Variants in C4orf51 observed in about 807,000 individuals in gnomAD.
C4orf51 encodes uncharacterized protein C4orf51.
Under a neutral mutation model 25.2 loss-of-function variants are expected in C4orf51, and 25 were observed. The ratio of observed to expected loss-of-function variants is 0.99; its 90% CI spans 0.72 to 1.39. The LOEUF (loss-of-function observed/expected upper bound fraction) is 1.39. C4orf51 is among the 40% of genes most tolerant of loss of function. The pLI, the probability that C4orf51 is intolerant of heterozygous loss-of-function variation, is 0.00. For synonymous variants in C4orf51, 100 were observed against 84.5 expected (o/e 1.18, Z -1.01); for missense variants, 252 against 239.6 (o/e 1.05, Z -0.34).
intron 1 of C4orf51, among the ~76,000 whole-genome samples, chr4:145,748,596 C>G (rs1314325867): frequency 6.6e-6 from 1 of 152,084 alleles, no homozygotes; most frequent in Admixed American, 6.6e-5. Context: ...TCATTTGTTT[C>G]AAGACATTTT....
the C4orf51 span, among the ~76,000 whole-genome samples, chr4:145,779,100 AT>A: frequency 6.6e-6 from 1 of 152,048 alleles, no homozygotes; most frequent in African/African-American, 2.4e-5. Context: ...AACTCAATAC[AT>A]TTTTTTTAAC....
the C4orf51 span, among the ~76,000 whole-genome samples, chr4:145,784,762 C>T: frequency 6.6e-6 from 1 of 152,262 alleles, no homozygotes; most frequent in Admixed American, 6.5e-5. Context: ...TTCCCACATC[C>T]CTTAGCATTT....
intron 2 of C4orf51, among the ~76,000 whole-genome samples, chr4:145,715,582 T>C (rs552047314): frequency 4.6e-5 from 7 of 152,310 alleles, no homozygotes; most frequent in African/African-American, 1.7e-4. Context: ...ACCCCACTAA[T>C]GTGCTGGAAT....
At chr4:145,708,206 C>A (rs960024547) in intron 2 of C4orf51, among the ~76,000 whole-genome samples, 6 of 152,338 alleles carry the variant, frequency 3.9e-5, no homozygotes, top group Admixed American at 3.3e-4. Context: ...CCCTGTCCTC[C>A]TTATTCTGCT....
chr4:145,769,295 G>T (rs185740184), intron 1 of C4orf51, among the ~76,000 whole-genome samples: 1 of 151,984 alleles, frequency 6.6e-6, no homozygotes, highest in Non-Finnish European at 1.5e-5. Context: ...TACCATTATT[G>T]CCATTTGCTT....
At chr4:145,777,419 A>G in the C4orf51 span, among the ~76,000 whole-genome samples, 2 of 152,182 alleles carry the variant, frequency 1.3e-5, no homozygotes, top group Non-Finnish European at 2.9e-5. Context: ...AAATTTCTGG[A>G]CCTGATGCCT....
At chr4:145,687,557 A>G (rs551747291) in intron 1 of C4orf51, among the ~76,000 whole-genome samples, 1 of 152,336 alleles carries the variant, frequency 6.6e-6, no homozygotes, top group East Asian at 1.9e-4. Flanking sequence ...GACTCCTTCA[A>G]TTGACCTCAT....
At chr4:145,776,087 G>C in the C4orf51 span, 6 of 1,041,576 alleles carry the variant, frequency 5.8e-6, no homozygotes, top group Admixed American at 4.5e-5. Flanking sequence ...GGAGACAATG[G>C]TAATGCCTAG....
At chr4:145,735,550 G>C (rs978269154), downstream of C4orf51, among the ~76,000 whole-genome samples, 2 of 152,178 alleles carry the variant, frequency 1.3e-5, no homozygotes, top group African/African-American at 4.8e-5. Flanking sequence ...ACAGGCCTGA[G>C]TGGAATGGGA....
rs1220288941 is a variant in C4orf51, at chr4:145,729,192, T to C, written c.390T>C (p.Gly130=). 1 of 1,608,988 alleles carries C rather than the reference T, an allele frequency of 6.2e-7. No individual in the cohort carries two copies. The highest frequency in any genetic ancestry group is 1.7e-5 in the Admixed American group (1 of 59,836). Residue 130 remains glycine (G), a synonymous_variant, in exon 4 of 6, where the codon GGT becomes GGC. Transcript: ENST00000438731. ...AGGCACATCAAATTTGGGATTTTGG[T>C]GATTGTTTTCCGACACCTCCAAATT... ...HGVAHQIWDF[G]DCFPTPPNYG... is the part of the protein sequence containing the mutation.
chr4:145,781,195 CAAAAAAAA>C, the C4orf51 span, among the ~76,000 whole-genome samples: 1 of 56,546 alleles, frequency 1.8e-5, no homozygotes, highest in Non-Finnish European at 2.8e-5. Flanking sequence ...GACACCATCT[CAAAAAAAA>C]AAAAAAAAAA....
intron 3 of C4orf51, among the ~76,000 whole-genome samples, chr4:145,727,917 AT>A (rs1560851134): frequency 1.0e-4 from 11 of 106,004 alleles, no homozygotes; most frequent in African/African-American, 4.5e-4. Flanking sequence ...ATATATATAT[AT>A]ATATAAAATA....
chr4:145,691,166 A>G (rs951488567), intron 1 of C4orf51, among the ~76,000 whole-genome samples: 2 of 152,172 alleles, frequency 1.3e-5, no homozygotes, highest in Admixed American at 6.5e-5. Context: ...AGAAAACACA[A>G]CAAGTGGCCA....
At chr4:145,683,996 AC>A (rs959965950) in intron 1 of C4orf51, among the ~76,000 whole-genome samples, 36 of 152,350 alleles carry the variant, frequency 2.4e-4, no homozygotes, top group Admixed American at 4.6e-4. Flanking sequence ...TTTGCAAAGG[AC>A]TTTTATCCAA....
In C4orf51 at chr4:145,763,637, G is replaced by C. The variant is rs968128988; in HGVS notation, n.167-7351G>C. 6.6e-6 allele frequency among the ~76,000 whole-genome samples: 1 copy of C among 152,180 alleles called. No homozygotes were observed. The highest frequency in any genetic ancestry group is 1.5e-5 in the Non-Finnish European group (1 of 68,024). ...ACTGGCAGGGGCTGCAATGTTCATG[G>C]GTGTGACTGGGCTACTGGGAAGGGC... On this transcript the variant is annotated intron_variant and non_coding_transcript_variant, in intron 1 of 1. Transcript: ENST00000510096. This position sits in a 1 kb window ranked among gnomAD's most constrained non-coding sequence, Gnocchi z 4.6.
In C4orf51 at chr4:145,729,947, G is replaced by C; in HGVS notation, c.483G>C (p.Gly161=). ...QEALINYSRR[G]KGVLKHLHGR... ...CCCTGATAAACTACAGTCGACGAGG[G>C]AAAGGTGTCCTAAAGCATGTAAGAA... is the stretch of plus-strand genomic sequence containing the variant. Residue 161 remains glycine, a synonymous_variant, in exon 5 of 6, where the codon GGG becomes GGC. Coordinates refer to ENST00000438731, the MANE Select transcript of C4orf51 (RefSeq NM_001080531.3). 1 of 1,613,942 alleles carries C rather than the reference G, an allele frequency of 6.2e-7. No individual in the cohort carries two copies. The highest frequency in any genetic ancestry group is 8.5e-7 in the Non-Finnish European group (1 of 1,179,826).
At chr4:145,751,953 G>A (rs1191480393) in intron 1 of C4orf51, among the ~76,000 whole-genome samples, 6 of 152,132 alleles carry the variant, frequency 3.9e-5, no homozygotes, top group Non-Finnish European at 5.9e-5. Context: ...GGTGGGTACC[G>A]CCAGGTGACT....
At chr4:145,769,258 G>A (rs1198327397) in intron 1 of C4orf51, among the ~76,000 whole-genome samples, 2 of 138,316 alleles carry the variant, frequency 1.4e-5, no homozygotes, top group African/African-American at 7.0e-5. Context: ...CTTCTCTCTT[G>A]GTACAAGAAA....
the C4orf51 span, among the ~76,000 whole-genome samples, chr4:145,779,737 TTC>T: frequency 6.6e-6 from 1 of 152,368 alleles, no homozygotes; most frequent in East Asian, 1.9e-4. Context: ...CTTCAGTATT[TTC>T]TCTCTTTCTT....
Sources: gnomAD v4.1 joint callset for allele counts (sites outside exome capture counted in the v4.1 genomes callset) on GRCh38, gnomAD v4.1.1 for gene constraint, Gnocchi (gnomAD v3.1) non-coding constraint, MANE v1.5 for transcripts, NCBI Gene and HGNC (gene_info 2026-07-23, HGNC 2026-07-21) for gene names.